Variants in CNTNAP2 observed in about 807,000 individuals in gnomAD.
CNTNAP2 encodes contactin associated protein 2.
In CNTNAP2, 98 loss-of-function variants were observed where a neutral mutation model predicts 155.2. That is an observed-to-expected ratio of 0.63 (90% CI 0.54 to 0.75). The LOEUF is 0.75. Ranked by LOEUF, CNTNAP2 falls within the 30% of genes least tolerant of loss-of-function variation. The pLI, the probability that CNTNAP2 is intolerant of heterozygous loss-of-function variation, is 0.00. For missense variants in CNTNAP2, 1,727 were observed against 1,688.1 expected, an observed-to-expected ratio of 1.02 and a Z score of -0.40; for synonymous variants, 651 against 631.2, an observed-to-expected ratio of 1.03 and a Z score of -0.47.
chr7:148,137,602 C>A (rs1250896334), intron 16 of CNTNAP2, among the ~76,000 whole-genome samples: 1 of 151,366 alleles, frequency 6.6e-6, no homozygotes, highest in Non-Finnish European at 1.5e-5. Flanking sequence ...GTGGAGGTTG[C>A]AGTGAGCTGA....
At position 148,341,694 on chromosome 7, in the gene CNTNAP2, G is replaced by A. The variant is rs534467711; in HGVS notation, c.3476-41955G>A. On this transcript the variant is annotated intron_variant, in intron 21 of 23. Coordinates refer to ENST00000361727, the MANE Select transcript of CNTNAP2 (RefSeq NM_014141.6). ...GAAATGTTCTAACTTTCACATTCCCGGATGTCTGAGCTCAAGACAAATTTT... is the reference window on the plus strand; with the variant it reads ...GAAATGTTCTAACTTTCACATTCCCAGATGTCTGAGCTCAAGACAAATTTT... Among the ~76,000 whole-genome samples the A allele has an allele frequency of 3.9e-5, 6 of 152,186 alleles. No homozygotes were observed. In the East Asian group the frequency reaches 5.8e-4, roughly 15 times the overall value.
chr7:147,185,716 G>C (rs1158400048), intron 8 of CNTNAP2, among the ~76,000 whole-genome samples: 3 of 152,162 alleles, frequency 2.0e-5, no homozygotes, highest in Non-Finnish European at 4.4e-5. Flanking sequence ...ACTATGCAAT[G>C]ATGTGGTTTA....
chr7:147,840,116 G>C (rs904277585), intron 13 of CNTNAP2, among the ~76,000 whole-genome samples: 3 of 152,018 alleles, frequency 2.0e-5, no homozygotes, highest in Admixed American at 1.3e-4. Context: ...GCTAAATGAT[G>C]TGCACATATG....
At chr7:147,911,559 T>A (rs1563132564) in intron 14 of CNTNAP2, among the ~76,000 whole-genome samples, 1 of 152,178 alleles carries the variant, frequency 6.6e-6, no homozygotes, top group Non-Finnish European at 1.5e-5. Flanking sequence ...TCAGGCCACA[T>A]AACCACATTT....
At chr7:146,381,687 TAC>T (rs1348214906) in intron 1 of CNTNAP2, among the ~76,000 whole-genome samples, 1 of 152,208 alleles carries the variant, frequency 6.6e-6, no homozygotes, top group African/African-American at 2.4e-5. Flanking sequence ...CTATATCAGT[TAC>T]ATAGAGAGTA....
At chr7:148,278,305 G>A (rs945136013) in intron 21 of CNTNAP2, among the ~76,000 whole-genome samples, 12 of 152,072 alleles carry the variant, frequency 7.9e-5, no homozygotes, top group Admixed American at 4.6e-4. Flanking sequence ...GGTGGCTCAC[G>A]CCTGTAATCC....
intron 1 of CNTNAP2, among the ~76,000 whole-genome samples, chr7:146,272,587 T>A (rs753900620): frequency 6.6e-6 from 1 of 152,150 alleles, no homozygotes; most frequent in Non-Finnish European, 1.5e-5. Flanking sequence ...ACTCGGCAAT[T>A]CCACTATTGT....
chr7:146,581,445 C>A (rs748907024), intron 1 of CNTNAP2, among the ~76,000 whole-genome samples: 1 of 151,978 alleles, frequency 6.6e-6, no homozygotes, highest in Non-Finnish European at 1.5e-5. Flanking sequence ...CAAGATTATA[C>A]AAATTAGGTT....
rs138342097 is a variant in CNTNAP2, at chr7:146,286,996, G to T, written c.97+170023G>T. 2.0e-3 allele frequency among the ~76,000 whole-genome samples: 309 copies of T among 152,158 alleles called. 3 individuals are homozygous for T. Among genetic ancestry groups the T allele is most frequent in the African/African-American group, 7.0e-3 (290 of 41,528 alleles). On this transcript the variant is annotated intron_variant, in intron 1 of 23. Coordinates refer to ENST00000361727, the MANE Select transcript of CNTNAP2 (RefSeq NM_014141.6). ...TCCCCCCAAAACAGGTGATGAGAAC[G>T]TCCCTCTGGAGCAAACAGAACAACC... is the stretch of plus-strand genomic sequence containing the variant.
At chr7:146,235,814 C>T (rs1799463674) in intron 1 of CNTNAP2, among the ~76,000 whole-genome samples, 2 of 152,090 alleles carry the variant, frequency 1.3e-5, no homozygotes, top group Admixed American at 1.3e-4. Flanking sequence ...TTGAAGGGAG[C>T]TGTTCTCCCG....
At chr7:148,293,809 C>G (rs1797234254) in intron 21 of CNTNAP2, among the ~76,000 whole-genome samples, 1 of 151,924 alleles carries the variant, frequency 6.6e-6, no homozygotes, top group South Asian at 2.1e-4. Flanking sequence ...TCGAGGCAGG[C>G]ACATCACTTG....
At chr7:147,860,372 A>G (rs926821517) in intron 13 of CNTNAP2, among the ~76,000 whole-genome samples, 1 of 152,034 alleles carries the variant, frequency 6.6e-6, no homozygotes, top group Non-Finnish European at 1.5e-5. Context: ...TGCAGTGAGC[A>G]GAGAACACAC....
chr7:148,324,315 C>A (rs1382908665), intron 21 of CNTNAP2, among the ~76,000 whole-genome samples: 3 of 152,182 alleles, frequency 2.0e-5, no homozygotes, highest in Non-Finnish European at 4.4e-5. Flanking sequence ...CATCATACAG[C>A]TTTACTCAAC....
Position 146,372,615 on chromosome 7 carries a change from G to T in CNTNAP2, c.97+255642G>T, listed in dbSNP as rs547813661. On this transcript the variant is annotated intron_variant, in intron 1 of 23. Coordinates refer to ENST00000361727, the MANE Select transcript of CNTNAP2 (RefSeq NM_014141.6). ...CCAAATGATCACTTCAAAGAGGCGA[G>T]TAAGAGGCGAGTAAGAAGGAATATA... Among the ~76,000 whole-genome samples, 1,463 of 151,984 alleles carry T rather than the reference G, an allele frequency of 9.6e-3. 22 individuals carry two copies. Among genetic ancestry groups the T allele is most frequent in the African/African-American group, 0.033 (1,347 of 41,302 alleles).
At chr7:147,420,993 T>C (rs1439325219) in intron 10 of CNTNAP2, among the ~76,000 whole-genome samples, 1 of 152,208 alleles carries the variant, frequency 6.6e-6, no homozygotes, top group Non-Finnish European at 1.5e-5. Flanking sequence ...TTGAAAAGTA[T>C]TGCAATGCAG....
chr7:147,649,625 G>C (rs1795419370), intron 13 of CNTNAP2, among the ~76,000 whole-genome samples: 1 of 151,974 alleles, frequency 6.6e-6, no homozygotes, highest in Admixed American at 6.6e-5. Flanking sequence ...AGAAGTATGA[G>C]TTTATAGAGT....
At chr7:148,052,088 G>A (rs1563181591) in intron 15 of CNTNAP2, among the ~76,000 whole-genome samples, 1 of 146,768 alleles carries the variant, frequency 6.8e-6, no homozygotes. Flanking sequence ...GCAGTGAGCT[G>A]AGATCGCACC....
At chr7:146,135,028 A>C (rs981480162) in intron 1 of CNTNAP2, among the ~76,000 whole-genome samples, 3 of 152,018 alleles carry the variant, frequency 2.0e-5, no homozygotes, top group Non-Finnish European at 4.4e-5. Context: ...TCAGCTGTGA[A>C]TCCATCTGGT....
intron 1 of CNTNAP2, among the ~76,000 whole-genome samples, chr7:146,370,233 C>T (rs1331941799): frequency 1.5e-5 from 2 of 135,640 alleles, no homozygotes; most frequent in Non-Finnish European, 3.1e-5. Flanking sequence ...ACAAGCCTGG[C>T]CAATAGGTGA....
Sources: allele counts gnomAD v4.1 joint callset (sites outside exome capture counted in the v4.1 genomes callset), GRCh38; gene constraint gnomAD v4.1.1; transcripts MANE v1.5; gene names NCBI Gene and HGNC (gene_info 2026-07-23, HGNC 2026-07-21).